The following CRTC1 variants were observed in gnomAD, a reference collection of about 807,000 sequenced individuals.
CRTC1 encodes the protein CREB regulated transcription coactivator 1, also known as CREB-regulated transcription coactivator 1.
CRTC1 carries 18 observed loss-of-function variants against 66.1 expected under a neutral mutation model. The observed-to-expected ratio is 0.27, with a 90% CI of 0.19 to 0.40. CRTC1 has a LOEUF of 0.40. CRTC1 is among the 10% of genes least tolerant of loss of function. The probability of loss-of-function intolerance (pLI) is 1.00; values close to 1 mark genes in which losing one functional copy is unlikely to be tolerated. For synonymous variants in CRTC1, 416 were observed against 398.8 expected (o/e 1.04, Z -0.51); for missense variants, 669 against 887.9 (o/e 0.75, Z 3.13).
intron 1 of CRTC1, among the ~76,000 whole-genome samples, chr19:18,699,903 G>C (rs966236845): frequency 7.9e-5 from 12 of 152,142 alleles, no homozygotes; most frequent in African/African-American, 2.9e-4. Flanking sequence ...GGAGGGGCCA[G>C]GGCAGGTGTC....
intron 5 of CRTC1, among the ~76,000 whole-genome samples, chr19:18,751,338 A>G (rs537601502): frequency 1.3e-3 from 204 of 152,290 alleles, no homozygotes; most frequent in Non-Finnish European, 5.7e-4. Context: ...CCTGGGCAAC[A>G]TAGTGAGACT....
chr19:18,685,845 G>A (rs35322184), intron 1 of CRTC1, among the ~76,000 whole-genome samples: 16,003 of 152,120 alleles, frequency 0.11, 1,112 homozygotes, highest in Non-Finnish European at 0.15. Flanking sequence ...GTAGGTTCAT[G>A]GGTGTCATTC....
rs72997392 is a variant in CRTC1 at position 18,769,926 on chromosome 19, C to T, written c.1320+1133C>T. On this transcript the variant is annotated intron_variant, in intron 10 of 13. Transcript: ENST00000321949. ...CCTCTGATCCCTTTGTCCTTTCCAA[C>T]TCCAGGAAGGCCCAAGTCAGCCATC... Among the ~76,000 whole-genome samples, 777 of 152,282 alleles carry T rather than the reference C, an allele frequency of 5.1e-3. 2 individuals carry two copies. The highest frequency in any genetic ancestry group is 7.9e-3 in the Non-Finnish European group (537 of 68,014).
chr19:18,725,771 C>T (rs925458716), intron 1 of CRTC1, among the ~76,000 whole-genome samples: 1 of 152,190 alleles, frequency 6.6e-6, no homozygotes, highest in Non-Finnish European at 1.5e-5. Context: ...CCGCCACCTT[C>T]CCCCAACACA....
chr19:18,765,315 C>T lies in CRTC1; in HGVS notation c.887-89C>T. The stretch of plus-strand genomic sequence containing the variant: ...CTTCTGTCTGAGCAGTTGAGCTATT[C>T]CCATGCAGTGTGACTGTGGGTGTGT... On this transcript the variant is annotated intron_variant, in intron 8 of 13. Transcript: ENST00000321949. 3 of 1,512,972 alleles carry T rather than the reference C, an allele frequency of 2.0e-6. No individual in the cohort carries two copies. The Admixed American group carries it at 5.7e-5, about 28-fold the overall frequency. The allele number at this position is 1,512,972 out of a possible 1,614,324, so 93.7% of individuals were successfully genotyped here. A position where few individuals can be genotyped will look rare whatever the true frequency, so the allele number is the denominator to read the frequency against.
chr19:18,700,207 G>A (rs1225634568), intron 1 of CRTC1, among the ~76,000 whole-genome samples: 1 of 152,174 alleles, frequency 6.6e-6, no homozygotes, highest in Non-Finnish European at 1.5e-5. Flanking sequence ...GGTCCCAGGA[G>A]TTTCACTCCG....
At chr19:18,751,703 C>T (rs1399230826) in intron 5 of CRTC1, among the ~76,000 whole-genome samples, 5 of 152,118 alleles carry the variant, frequency 3.3e-5, no homozygotes, top group Non-Finnish European at 7.3e-5. Flanking sequence ...GGCTGACTCA[C>T]GGGGCCGCTG....
intron 1 of CRTC1, among the ~76,000 whole-genome samples, chr19:18,716,257 C>G (rs1294558101): frequency 2.1e-5 from 3 of 144,182 alleles, no homozygotes; most frequent in Non-Finnish European, 3.1e-5. Flanking sequence ...CCGAATGACT[C>G]TTTTTTTTTT....
At chr19:18,762,011 GA>G (rs1294059549) in intron 8 of CRTC1, among the ~76,000 whole-genome samples, 8 of 152,172 alleles carry the variant, frequency 5.3e-5, no homozygotes, top group Non-Finnish European at 1.2e-4. Flanking sequence ...ATTGTCTCCA[GA>G]TAGACAGGGC....
intron 1 of CRTC1, among the ~76,000 whole-genome samples, chr19:18,690,936 G>C (rs2052815953): frequency 1.3e-5 from 2 of 150,802 alleles, no homozygotes; most frequent in East Asian, 3.9e-4. Context: ...TGAGGCAGGA[G>C]AATGGCGTGA....
At chr19:18,735,160 CAG>C (rs1176280805) in intron 1 of CRTC1, among the ~76,000 whole-genome samples, 1 of 152,188 alleles carries the variant, frequency 6.6e-6, no homozygotes, top group Non-Finnish European at 1.5e-5. Context: ...GTCCACAAGT[CAG>C]GGGCAGAAGG....
chr19:18,702,736 G>A (rs2053175504), intron 1 of CRTC1, among the ~76,000 whole-genome samples: 1 of 151,618 alleles, frequency 6.6e-6, no homozygotes, highest in Non-Finnish European at 1.5e-5. Flanking sequence ...GTTTCTCCAT[G>A]TTGGTCAGGC....
At chr19:18,730,385 GGGGT>G in intron 1 of CRTC1, among the ~76,000 whole-genome samples, 1 of 152,198 alleles carries the variant, frequency 6.6e-6, no homozygotes. Context: ...CCTGGACTTT[GGGGT>G]GGAGTCGGGG....
chr19:18,689,009 A>C (rs1238908029), intron 1 of CRTC1, among the ~76,000 whole-genome samples: 1 of 151,892 alleles, frequency 6.6e-6, no homozygotes, highest in Non-Finnish European at 1.5e-5. Flanking sequence ...GCAGTGGCAC[A>C]ATCTCAGCTC....
chr19:18,703,209 G>A (rs529089863), intron 1 of CRTC1, among the ~76,000 whole-genome samples: 7 of 152,114 alleles, frequency 4.6e-5, no homozygotes, highest in Admixed American at 6.5e-5. Context: ...GGACGGTCTC[G>A]GTCAGGATAG....
chr19:18,703,296 G>T (rs1173177258), intron 1 of CRTC1, among the ~76,000 whole-genome samples: 2 of 152,060 alleles, frequency 1.3e-5, no homozygotes, highest in Admixed American at 1.3e-4. Context: ...GCCTCCCAAA[G>T]TGCTGGGATT....
intron 1 of CRTC1, among the ~76,000 whole-genome samples, chr19:18,711,673 C>G (rs1310874375): frequency 1.3e-5 from 2 of 152,168 alleles, no homozygotes; most frequent in Middle Eastern, 3.2e-3. Context: ...CGTGCTGGTC[C>G]TGGGGTGGGT....
rs187158624 is a variant in CRTC1, at chr19:18,759,616, G to A, written c.665+25G>A. 1.9e-4 allele frequency: 301 copies of A among 1,610,458 alleles called. 1 individual carries two copies. In the African/African-American group the frequency reaches 3.2e-3, roughly 17 times the overall value. ...AGTAAGTCTCCACAGGGCCCACCCC[G>A]CACACTGCATCTGCTGCGCTGCTCC... On this transcript the variant is annotated intron_variant, in intron 7 of 13. Coordinates refer to ENST00000321949, the MANE Select transcript of CRTC1 (RefSeq NM_015321.3).
Position 18,768,802 on chromosome 19 carries a change from A to AGGGTG in CRTC1, c.1320+14_1320+18dup. On this transcript the variant is annotated intron_variant, in intron 10 of 13. Coordinates refer to ENST00000321949, the MANE Select transcript of CRTC1 (RefSeq NM_015321.3). The surrounding 1 kb of genome is among the most constrained non-coding windows in gnomAD (Gnocchi z 5.6). ...GGATCGACATCGCCTCGGTAAGCCC[A>AGGGTG]GGGTGGGGTCCCTCGGGGCCTGACT... The AGGGTG allele has an allele frequency of 6.3e-7, 1 of 1,591,810 alleles. No homozygotes were observed. Among genetic ancestry groups the AGGGTG allele is most frequent in the Non-Finnish European group, 8.5e-7 (1 of 1,170,276 alleles).
Sources: allele counts gnomAD v4.1 joint callset (sites outside exome capture counted in the v4.1 genomes callset), GRCh38; gene constraint gnomAD v4.1.1; non-coding constraint Gnocchi (gnomAD v3.1); transcripts MANE v1.5; gene names NCBI Gene and HGNC (gene_info 2026-07-23, HGNC 2026-07-21).